ARSL: variants seen among roughly 807,000 people sequenced by gnomAD.
The protein encoded by ARSL is arylsulfatase L.
ARSL carries 4 observed loss-of-function variants against 31.1 expected under a neutral mutation model. The ratio of observed to expected loss-of-function variants is 0.13; its 90% CI spans 0.06 to 0.29. The LOEUF is 0.29. Among genes scored for constraint, ARSL ranks in the 10% least tolerant of loss-of-function variants. The probability of loss-of-function intolerance (pLI) is 1.00; values close to 1 mark genes in which losing one functional copy is unlikely to be tolerated. For synonymous variants in ARSL, 198 were observed against 209.9 expected, an observed-to-expected ratio of 0.94 and a Z score of 0.49; for missense variants, 312 against 497.8, an observed-to-expected ratio of 0.63 and a Z score of 3.55.
In ARSL at chrX:2,936,663, G is replaced by A. The variant is rs2089205937; in HGVS notation, c.1411+79C>T. 7.7e-6 allele frequency: 9 copies of A among 1,161,591 alleles called. No homozygotes were observed. The Admixed American group carries it at 2.1e-4, about 27-fold the overall frequency. On this transcript the variant is annotated intron_variant, in intron 10 of 10. Coordinates refer to ENST00000381134, the MANE Select transcript of ARSL (RefSeq NM_000047.3). ...ACTCTGGAATGCAGCTCCATCCCTAGCCTGTTCTAGGGCATGGTGCTTTCC... is the reference window on the plus strand; with the variant it reads ...ACTCTGGAATGCAGCTCCATCCCTAACCTGTTCTAGGGCATGGTGCTTTCC...
In ARSL at chrX:2,946,149, G is replaced by C; in HGVS notation, c.855-15C>G. On this transcript the variant is annotated splice_polypyrimidine_tract_variant and intron_variant, in intron 6 of 10. Coordinates refer to ENST00000381134, the MANE Select transcript of ARSL (RefSeq NM_000047.3). Reference sequence around the variant, plus strand: ...CATGCTTATTCCTAAAAATAAATACGAAGCAATTAAGGTGACTTTTTTGGT... The same window carrying C: ...CATGCTTATTCCTAAAAATAAATACCAAGCAATTAAGGTGACTTTTTTGGT... The C allele has an allele frequency of 1.7e-6, 2 of 1,208,521 alleles. No individual in the cohort carries two copies. Among genetic ancestry groups the C allele is most frequent in the Non-Finnish European group, 2.2e-6 (2 of 893,759 alleles).
Position 2,935,183 on chromosome X carries a change from T to A in ARSL, c.1419A>T (p.Thr473=), listed in dbSNP as rs755373707. The A allele has an allele frequency of 1.7e-6, 2 of 1,210,072 alleles. No homozygotes were observed. The highest frequency in any genetic ancestry group is 2.2e-6 in the Non-Finnish European group (2 of 894,114). Residue 473 remains threonine (T), a synonymous_variant, in exon 11 of 11, where the codon ACA becomes ACT. Coordinates refer to ENST00000381134, the MANE Select transcript of ARSL (RefSeq NM_000047.3). The stretch of plus-strand genomic sequence containing the variant: ...GCGTCACAAAGTGGACTTTCCACAT[T>A]GTTCCTCCTGGTGGAAAGATAATCA... The part of the protein sequence containing the change: ...AARWHQRDRG[T]MWKVHFVTPV...
At chrX:2,961,867 TTTTTTTTTTA>T (rs2147417190) in intron 1 of ARSL, among the ~76,000 whole-genome samples, 1 of 109,722 alleles carries the variant, frequency 9.1e-6, no homozygotes, top group African/African-American at 3.3e-5. Flanking sequence ...GGTTTTTTTT[TTTTTTTTTTA>T]ATCTTTCTTT....
intron 7 of ARSL, among the ~76,000 whole-genome samples, chrX:2,945,005 T>TAAGAAG (rs368635699): frequency 0.016 from 1,565 of 95,287 alleles, 24 homozygotes; most frequent in African/African-American, 0.057. Flanking sequence ...AGAAGAAGAA[T>TAAGAAG]AAGAAGAAGA....
chrX:2,944,352 G>A (rs372198805), intron 7 of ARSL, among the ~76,000 whole-genome samples: 7 of 108,227 alleles, frequency 6.5e-5, no homozygotes, highest in African/African-American at 1.4e-4. Flanking sequence ...TACTCCGGAG[G>A]CTGAGGCAGG....
intron 4 of ARSL, among the ~76,000 whole-genome samples, chrX:2,955,041 T>C (rs2089507341): frequency 9.0e-6 from 1 of 111,202 alleles, no homozygotes; most frequent in African/African-American, 3.3e-5. Context: ...AAAGTGATGG[T>C]TGGGGGTGTG....
chrX:2,962,639 G>T (rs188002461), intron 1 of ARSL, among the ~76,000 whole-genome samples: 4 of 111,696 alleles, frequency 3.6e-5, no homozygotes, highest in African/African-American at 6.5e-5. Context: ...ACGCCTTTTC[G>T]GGGATGCTGG....
chrX:2,956,782 C>G (rs1302420617), intron 3 of ARSL, among the ~76,000 whole-genome samples: 16 of 109,712 alleles, frequency 1.5e-4, no homozygotes, highest in Admixed American at 1.4e-3. Flanking sequence ...GAAACAGGGT[C>G]TCTGTCGCCC....
Position 2,959,941 on chromosome X carries a change from GAGAA to G in ARSL, c.23+433_23+436del, listed in dbSNP as rs35961426. 0.028 allele frequency: 6,119 copies of G among 215,607 alleles called. 409 individuals are homozygous for G. The highest frequency in any genetic ancestry group is 0.17 in the African/African-American group (5,093 of 30,487). 17.8% of individuals were successfully genotyped at this position (215,607 alleles called of 1,213,427 possible). ...AAGGGAAGGAAGGAAGAAAGAGAGAGAGAAAGAAAGAAAGAAAGAAAGAAAGAGA... is the reference window on the plus strand; with the variant it reads ...AAGGGAAGGAAGGAAGAAAGAGAGAGAGAAAGAAAGAAAGAAAGAAAGAGA... On this transcript the variant is annotated intron_variant, in intron 2 of 10. Coordinates refer to ENST00000381134, the MANE Select transcript of ARSL (RefSeq NM_000047.3).
chrX:2,958,537 A>G, intron 2 of ARSL, 102 bp from the exon 3 acceptor site: 1 of 930,551 alleles, frequency 1.1e-6, no homozygotes, highest in Non-Finnish European at 1.5e-6. Flanking sequence ...TTATCATCAC[A>G]TTTCAGAATA....
intron 5 of ARSL, among the ~76,000 whole-genome samples, chrX:2,951,531 T>G (rs1409323275): frequency 9.6e-6 from 1 of 104,450 alleles, no homozygotes; most frequent in Non-Finnish European, 1.9e-5. Context: ...ATCCCAGCAC[T>G]TTGGGAGGCC....
intron 1 of ARSL, 71 bp from the exon 2 acceptor site, chrX:2,960,491 G>A: frequency 9.4e-7 from 1 of 1,059,204 alleles, no homozygotes; most frequent in Non-Finnish European, 1.3e-6. Context: ...AAAACAGTAA[G>A]TAAGTAATTA....
At chrX:2,966,236 T>C (rs1219502300), upstream of ARSL, among the ~76,000 whole-genome samples, 4 of 111,535 alleles carry the variant, frequency 3.6e-5, no homozygotes, top group Non-Finnish European at 7.5e-5. Flanking sequence ...TGGACGGTTT[T>C]GGTGGCATGT....
At position 2,937,164 on chromosome X, in the gene ARSL, C is replaced by A. The variant is rs183359248; in HGVS notation, c.1290-301G>T. Among the ~76,000 whole-genome samples, 11 of 111,486 alleles carry A rather than the reference C, an allele frequency of 9.9e-5. No homozygotes were observed. The East Asian group carries it at 3.1e-3, about 31-fold the overall frequency. ...ATCCCAGCACTTTGGGAGGTCGAGG[C>A]GGGTGGATCACCTGAGGTCAGGAAT... is the stretch of plus-strand genomic sequence containing the variant. On this transcript the variant is annotated intron_variant, in intron 9 of 10. Coordinates refer to ENST00000381134, the MANE Select transcript of ARSL (RefSeq NM_000047.3).
At position 2,944,264 on chromosome X, in the gene ARSL, G is replaced by A. The variant is rs372388452; in HGVS notation, c.992-1065C>T. Among the ~76,000 whole-genome samples, 20 of 109,041 alleles carry A rather than the reference G, an allele frequency of 1.8e-4. No individual in the cohort carries two copies. In the East Asian group the frequency reaches 2.3e-3, roughly 13 times the overall value. 94.7% of individuals were successfully genotyped at this position (109,041 alleles called of 115,157 possible). On this transcript the variant is annotated intron_variant, in intron 7 of 10. Transcript: ENST00000381134. ...AGGTCAGCAGTTCGAGACCAGCCTG[G>A]CCAACATGGTGAAACCCCATCTCTA...
intron 5 of ARSL, chrX:2,952,908 C>T (rs192219425): frequency 2.6e-4 from 69 of 268,723 alleles, no homozygotes; most frequent in African/African-American, 1.9e-3. Flanking sequence ...CCTTCCGCCT[C>T]GGCCTCTCAA....
At chrX:2,959,575 C>G (rs1191241592) in intron 2 of ARSL, 26 of 1,131,380 alleles carry the variant, frequency 2.3e-5, no homozygotes, top group African/African-American at 9.1e-5. Flanking sequence ...AACCAGACAC[C>G]TGGCCGATGG....
chrX:2,963,119 G>A (rs73193028), intron 1 of ARSL, among the ~76,000 whole-genome samples: 5,686 of 112,086 alleles, frequency 0.051, 127 homozygotes, highest in Non-Finnish European at 0.079. Flanking sequence ...CAGAAGGAAG[G>A]GATAAGGTGT....
rs769593637 is a variant in ARSL at position 2,935,696 on chromosome X, T to C, written c.1412-506A>G. 1.8e-4 allele frequency among the ~76,000 whole-genome samples: 19 copies of C among 105,659 alleles called. No individual in the cohort carries two copies. The East Asian group carries it at 5.7e-3, about 32-fold the overall frequency. 91.8% of individuals were successfully genotyped at this position (105,659 alleles called of 115,157 possible). On this transcript the variant is annotated intron_variant, in intron 10 of 10. Transcript: ENST00000381134. ...TCTTTTCTTTTCTTTTCTTTTCTTT[T>C]TTTTTTTTTTTATTTGAGACAGAGT...
Sources: gnomAD v4.1 joint callset for allele counts (sites outside exome capture counted in the v4.1 genomes callset) on GRCh38, gnomAD v4.1.1 for gene constraint, MANE v1.5 for transcripts, NCBI Gene and HGNC (gene_info 2026-07-23, HGNC 2026-07-21) for gene names.